The following PTPRR variants were observed in gnomAD, a reference collection of about 807,000 sequenced individuals.
PTPRR encodes the protein receptor-type tyrosine-protein phosphatase R.
Under a neutral mutation model 77.2 loss-of-function variants are expected in PTPRR, and 38 were observed. The observed-to-expected ratio is 0.49, with a 90% CI of 0.38 to 0.65. The LOEUF (loss-of-function observed/expected upper bound fraction) is 0.65. PTPRR is among the 30% of genes least tolerant of loss of function. The probability of loss-of-function intolerance (pLI) is 0.00; values close to 1 mark genes in which losing one functional copy is unlikely to be tolerated. For missense variants in PTPRR, 744 were observed against 799.2 expected (o/e 0.93, Z 0.83); for synonymous variants, 299 against 283.1 (o/e 1.06, Z -0.57).
intron 1 of PTPRR, among the ~76,000 whole-genome samples, chr12:70,899,365 AT>A (rs1207211377): frequency 1.3e-5 from 2 of 151,418 alleles, no homozygotes; most frequent in Non-Finnish European, 3.0e-5. Context: ...AAAAAGACAT[AT>A]GCCACTACCA....
At position 70,678,931 on chromosome 12, in the gene PTPRR, C is replaced by T. The variant is rs541738387; in HGVS notation, c.1497+5196G>A. On this transcript the variant is annotated intron_variant, in intron 10 of 13. Coordinates refer to ENST00000283228, the MANE Select transcript of PTPRR (RefSeq NM_002849.4). ...TCCTGACCTCAAGTGATCTGCCTGC[C>T]TCGGCCTCCCAAAGTGCTGGGATTA... Among the ~76,000 whole-genome samples the T allele has an allele frequency of 1.2e-3, 181 of 152,260 alleles. 1 individual carries two copies. Among genetic ancestry groups the T allele is most frequent in the African/African-American group, 3.8e-3 (156 of 41,560 alleles).
chr12:70,640,726 C>G (rs759879728), intron 13 of PTPRR, among the ~76,000 whole-genome samples: 2 of 152,186 alleles, frequency 1.3e-5, no homozygotes, highest in African/African-American at 4.8e-5. Context: ...GATATCTTGT[C>G]TCACTGTAAC....
intron 5 of PTPRR, among the ~76,000 whole-genome samples, chr12:70,749,878 T>C (rs1890334265): frequency 6.6e-6 from 1 of 152,226 alleles, no homozygotes; most frequent in Non-Finnish European, 1.5e-5. Flanking sequence ...GTCTTTGTAC[T>C]TGTTAATAAA....
At chr12:70,789,902 A>G (rs1408670689) in intron 2 of PTPRR, among the ~76,000 whole-genome samples, 2 of 152,190 alleles carry the variant, frequency 1.3e-5, no homozygotes, top group African/African-American at 4.8e-5. Context: ...TTATCTTAAG[A>G]AAATGATCTC....
chr12:70,891,148 C>T (rs577863217), intron 2 of PTPRR, among the ~76,000 whole-genome samples: 11 of 152,188 alleles, frequency 7.2e-5, no homozygotes, highest in Admixed American at 2.6e-4. Context: ...AGGAAAAGCA[C>T]AGCTTCTTCA....
At chr12:70,686,154 C>A (rs1399161012) in intron 8 of PTPRR, among the ~76,000 whole-genome samples, 1 of 152,202 alleles carries the variant, frequency 6.6e-6, no homozygotes, top group Non-Finnish European at 1.5e-5. Flanking sequence ...AGAAAAACTT[C>A]TCCCATTCCC....
At position 70,701,131 on chromosome 12, in the gene PTPRR, G is replaced by A; in HGVS notation, c.1194+6C>T. ...CTGAAGAGTGAACAATAAATAGAAGGCTCACCATGAATTCACTTTGGAGTA... is the reference window on the plus strand; with the variant it reads ...CTGAAGAGTGAACAATAAATAGAAGACTCACCATGAATTCACTTTGGAGTA... On this transcript the variant is annotated splice_donor_region_variant and intron_variant, in intron 7 of 13. Coordinates refer to ENST00000283228, the MANE Select transcript of PTPRR (RefSeq NM_002849.4). The A allele has an allele frequency of 9.9e-6, 16 of 1,613,530 alleles. No homozygotes were observed. The highest frequency in any genetic ancestry group is 1.4e-5 in the Non-Finnish European group (16 of 1,179,698).
Position 70,748,551 on chromosome 12 carries a change from A to G in PTPRR, c.739-2465T>C, listed in dbSNP as rs555206571. Among the ~76,000 whole-genome samples, 84 of 152,232 alleles carry G rather than the reference A, an allele frequency of 5.5e-4. 1 individual carries two copies. The highest frequency in any genetic ancestry group is 9.4e-4 in the Non-Finnish European group (64 of 68,048). On this transcript the variant is annotated intron_variant, in intron 5 of 13. Transcript: ENST00000283228. The stretch of plus-strand genomic sequence containing the variant: ...TCATGTAATAATTTAAAAAAGGAAA[A>G]GAGAACAGATTATTGAATGAGAGGA...
intron 5 of PTPRR, 26 bp from the exon 6 acceptor site, chr12:70,746,112 C>T (rs1455367852): frequency 6.3e-7 from 1 of 1,589,020 alleles, no homozygotes; most frequent in Non-Finnish European, 8.6e-7. Context: ...TAAAAAACTC[C>T]TGTCACATTT....
At chr12:70,801,058 C>T (rs1891606810) in intron 2 of PTPRR, among the ~76,000 whole-genome samples, 1 of 152,084 alleles carries the variant, frequency 6.6e-6, no homozygotes. Flanking sequence ...AAAAGAACTA[C>T]TGTAGCATAG....
At chr12:70,767,158 A>C (rs1163549516) in intron 2 of PTPRR, among the ~76,000 whole-genome samples, 1 of 152,136 alleles carries the variant, frequency 6.6e-6, no homozygotes, top group Non-Finnish European at 1.5e-5. Flanking sequence ...AAATTCACAC[A>C]TAACAATATT....
chr12:70,710,426 A>G (rs1888784176), intron 6 of PTPRR, among the ~76,000 whole-genome samples: 1 of 152,172 alleles, frequency 6.6e-6, no homozygotes, highest in African/African-American at 2.4e-5. Flanking sequence ...GCTTAAATGT[A>G]AAAACCCAAA....
Position 70,920,738 on chromosome 12 carries a change from T to C in PTPRR, c.-348A>G. The C allele has an allele frequency of 3.8e-6, 1 of 261,766 alleles. No individual in the cohort carries two copies. The highest frequency in any genetic ancestry group is 4.7e-5 in the South Asian group (1 of 21,272). The allele number at this position is 261,766 out of a possible 1,614,324, so 16.2% of individuals were successfully genotyped here. A position where few individuals can be genotyped will look rare whatever the true frequency, so the allele number is the denominator to read the frequency against. On this transcript the variant is annotated 5_prime_UTR_variant, in exon 1 of 14. The change abolishes an upstream ATG in the 5' untranslated region. Transcript: ENST00000283228. ...GCAGCAGCGCCGCGGCTACTGAGCATGCCCAGCGCCGGCCCTCACGAGGCA... is the reference window on the plus strand; with the variant it reads ...GCAGCAGCGCCGCGGCTACTGAGCACGCCCAGCGCCGGCCCTCACGAGGCA...
chr12:70,814,905 G>A (rs916190016), intron 2 of PTPRR, among the ~76,000 whole-genome samples: 2 of 151,736 alleles, frequency 1.3e-5, no homozygotes, highest in South Asian at 2.1e-4. Context: ...CACCCAACAA[G>A]GTACAATTCC....
chr12:70,748,499 T>C (rs1021859591), intron 5 of PTPRR, among the ~76,000 whole-genome samples: 2 of 152,202 alleles, frequency 1.3e-5, no homozygotes, highest in African/African-American at 4.8e-5. Flanking sequence ...CTCCAAGAGC[T>C]TGTTTGACTC....
At chr12:70,764,572 A>T in intron 3 of PTPRR, 93 bp downstream of exon 3, 1 of 1,032,162 alleles carries the variant, frequency 9.7e-7, no homozygotes, top group Non-Finnish European at 1.5e-6. Flanking sequence ...GATTTGGCTC[A>T]TTAGCCATAC....
In PTPRR at chr12:70,761,482, C is replaced by A; in HGVS notation, c.616G>T (p.Val206Phe). The A allele has an allele frequency of 1.2e-6, 2 of 1,606,014 alleles. No homozygotes were observed. Among genetic ancestry groups the A allele is most frequent in the Non-Finnish European group, 1.7e-6 (2 of 1,176,308 alleles). ...QSLSQFGITE[V>F]SPEKNVLQGQ... ...GTGCAACAACATACCTCAGGAGAGA[C>A]TTCTGTAATTCCAAACTGGGATAAA... The change falls in exon 4 of 14, where the codon GTC (valine) becomes TTC (phenylalanine). Residue 206 changes from valine to phenylalanine, a missense_variant. Val to Phe is a conservative substitution (Grantham distance 50). Transcript: ENST00000283228.
In PTPRR at chr12:70,799,558, A is replaced by AT. The variant is rs796993323; in HGVS notation, c.358-34781dup. 5.6e-3 allele frequency among the ~76,000 whole-genome samples: 853 copies of AT among 151,602 alleles called. 13 individuals are homozygous for AT. Among genetic ancestry groups the AT allele is most frequent in the African/African-American group, 0.019 (787 of 41,384 alleles). ...TGTCATTAAAGATGTTACAGCACTG[A>AT]TTTTTTTTTACCCTATGGACATATA... On this transcript the variant is annotated intron_variant, in intron 2 of 13. Transcript: ENST00000283228.
intron 2 of PTPRR, among the ~76,000 whole-genome samples, chr12:70,789,499 A>G (rs1320907483): frequency 2.6e-5 from 4 of 152,176 alleles, no homozygotes; most frequent in African/African-American, 4.8e-5. Flanking sequence ...TGGGATTCAA[A>G]TATTAGCTGG....
Sources: allele counts gnomAD v4.1 joint callset (sites outside exome capture counted in the v4.1 genomes callset), GRCh38; gene constraint gnomAD v4.1.1; transcripts MANE v1.5; gene names NCBI Gene and HGNC (gene_info 2026-07-23, HGNC 2026-07-21).